STT3A: variants seen among roughly 807,000 people sequenced by gnomAD.
The protein encoded by STT3A is dolichyl-diphosphooligosaccharide--protein glycosyltransferase subunit STT3A.
In STT3A, 34 loss-of-function variants were observed where a neutral mutation model predicts 89.2. That is an observed-to-expected ratio of 0.38 (90% CI 0.29 to 0.51). The LOEUF (loss-of-function observed/expected upper bound fraction) is 0.51, where lower values mean the gene tolerates loss of function less well. Ranked by LOEUF, STT3A falls within the 20% of genes least tolerant of loss-of-function variation. The pLI is 0.89. For synonymous variants in STT3A, 282 were observed against 310.3 expected (o/e 0.91, Z 0.96); for missense variants, 555 against 889.5 (o/e 0.62, Z 4.78).
upstream of STT3A, chr11:125,592,762 T>C (rs1392818587): frequency 3.6e-6 from 1 of 281,400 alleles, no homozygotes; most frequent in South Asian, 2.9e-5. Flanking sequence ...TGACAGACAG[T>C]TCCGAGACCC....
chr11:125,595,445 A>G (rs1395027151), intron 1 of STT3A, among the ~76,000 whole-genome samples: 2 of 151,884 alleles, frequency 1.3e-5, no homozygotes, highest in Admixed American at 1.3e-4. Flanking sequence ...TCTGGTCTCA[A>G]TGTTTATTTC....
intron 12 of STT3A, 43 bp from the exon 13 acceptor site, chr11:125,612,946 T>C (rs1940070143): frequency 1.2e-6 from 2 of 1,604,142 alleles, no homozygotes; most frequent in African/African-American, 2.7e-5. Flanking sequence ...TTGTGTGAAT[T>C]TAGTTTGGTT....
rs2135940672 is a variant in STT3A, at chr11:125,614,161, C to T, written c.1629C>T (p.Asp543=). The part of the protein sequence containing the change: ...TAMANRTILV[D]NNTWNNTHIS... ...TGGCAAACCGAACAATTTTAGTGGA[C>T]AATAACACATGGAATAATACCCATA... Residue 543 remains aspartate, a synonymous_variant, in exon 14 of 18, where the codon GAC becomes GAT. Transcript: ENST00000392708. The surrounding 1 kb of genome is among the most constrained non-coding windows in gnomAD (Gnocchi z 4.9). The T allele has an allele frequency of 5.0e-6, 8 of 1,614,018 alleles. No homozygotes were observed. The highest frequency in any genetic ancestry group is 6.8e-6 in the Non-Finnish European group (8 of 1,180,006).
intron 1 of STT3A, chr11:125,594,740 C>CT (rs1356528165): frequency 6.6e-6 from 1 of 152,104 alleles, no homozygotes; most frequent in African/African-American, 2.4e-5. Flanking sequence ...TTTTAATCTA[C>CT]TTTTTTTAAT....
At position 125,614,805 on chromosome 11, in the gene STT3A, C is replaced by A. The variant is rs937055809; in HGVS notation, c.1774+379C>A. On this transcript the variant is annotated intron_variant, in intron 15 of 17. Transcript: ENST00000392708. This position sits in a 1 kb window ranked among gnomAD's most constrained non-coding sequence, Gnocchi z 4.9. The stretch of plus-strand genomic sequence containing the variant: ...AGAAATGTTTTATATGGCCTGACAG[C>A]GTGTAAAAAAAGAGAACATTTTATA... 6.7e-6 allele frequency among the ~76,000 whole-genome samples: 1 copy of A among 149,928 alleles called. No homozygotes were observed. The highest frequency in any genetic ancestry group is 2.5e-5 in the African/African-American group (1 of 40,772).
upstream of STT3A, chr11:125,592,677 C>T (rs1392249431): frequency 2.8e-6 from 1 of 355,920 alleles, no homozygotes; most frequent in East Asian, 7.5e-5. Context: ...TACAGACCTG[C>T]CTCTAGACTG....
intron 15 of STT3A, among the ~76,000 whole-genome samples, chr11:125,616,009 A>G (rs1340798711): frequency 6.6e-6 from 1 of 152,248 alleles, no homozygotes; most frequent in Admixed American, 6.5e-5. Flanking sequence ...ACTGCACCCC[A>G]GCCTGGGTGA....
At chr11:125,612,101 C>A (rs908580784) in intron 11 of STT3A, among the ~76,000 whole-genome samples, 1 of 151,864 alleles carries the variant, frequency 6.6e-6, no homozygotes, top group African/African-American at 2.4e-5. Flanking sequence ...ATCTTGAACT[C>A]CCGACCTCAG....
At position 125,622,437 on chromosome 11, in the gene STT3A, TC is replaced by T. The variant is rs1940375689; in HGVS notation, c.*1628del. On this transcript the variant is annotated 3_prime_UTR_variant, in exon 18 of 18. Transcript: ENST00000392708. The stretch of plus-strand genomic sequence containing the variant: ...AATACCAGTTAGAAATTATTAATGA[TC>T]TTCCTTTATACTATACATAGGATAA... The T allele has an allele frequency of 6.6e-6, 1 of 152,264 alleles. No individual in the cohort carries two copies. The highest frequency in any genetic ancestry group is 2.1e-4 in the South Asian group (1 of 4,838). The allele number at this position is 152,264 out of a possible 1,614,324, so 9.4% of individuals were successfully genotyped here.
chr11:125,594,085 CAAA>C (rs376752600), intron 1 of STT3A, among the ~76,000 whole-genome samples: 1 of 151,414 alleles, frequency 6.6e-6, no homozygotes, highest in Non-Finnish European at 1.5e-5. Context: ...ATTCCTAAGA[CAAA>C]AAAAATAAGG....
intron 3 of STT3A, among the ~76,000 whole-genome samples, chr11:125,600,751 G>A (rs12275383): frequency 0.11 from 16,107 of 152,060 alleles, 1,242 homozygotes; most frequent in African/African-American, 0.22. Flanking sequence ...AGCATTTTAT[G>A]TCAAATATTT....
upstream of STT3A, among the ~76,000 whole-genome samples, chr11:125,592,167 C>T (rs1939315717): frequency 6.6e-6 from 1 of 152,152 alleles, no homozygotes; most frequent in South Asian, 2.1e-4. Flanking sequence ...AGAAATGCTT[C>T]CAGCTTAGCC....
intron 6 of STT3A, among the ~76,000 whole-genome samples, chr11:125,605,153 A>G (rs1208402105): frequency 2.7e-5 from 4 of 150,808 alleles, no homozygotes; most frequent in Non-Finnish European, 4.4e-5. Flanking sequence ...AAAAAAGCAG[A>G]CTGGAGAATC....
Position 125,618,379 on chromosome 11 carries a change from A to G in STT3A, c.1781A>G (p.Asn594Ser). 1 of 1,590,962 alleles carries G rather than the reference A, an allele frequency of 6.3e-7. No homozygotes were observed. The highest frequency in any genetic ancestry group is 8.5e-7 in the Non-Finnish European group (1 of 1,172,284). The change falls in exon 16 of 18, where the codon AAC becomes AGC. Residue 594 changes from asparagine to serine, a missense_variant. By Grantham distance (46) the Asn-to-Ser change is conservative. Coordinates refer to ENST00000392708, the MANE Select transcript of STT3A (RefSeq NM_152713.5). ...GLTGYSSDDI[N>S]KFLWMVRIGG... ...TTTTTTTTTTTTCTCCTAGATATCA[A>G]CAAGTTTCTTTGGATGGTCCGGATT...
upstream of STT3A, chr11:125,592,351 T>C: frequency 4.4e-6 from 2 of 455,028 alleles, no homozygotes; most frequent in Admixed American, 4.7e-5. Context: ...GAGTTTTAAT[T>C]GAGAATAAAT....
chr11:125,597,505 C>G (rs1366623646), intron 3 of STT3A, among the ~76,000 whole-genome samples: 1 of 151,970 alleles, frequency 6.6e-6, no homozygotes. Flanking sequence ...GCTAGTATGT[C>G]TGCCTATCAC....
intron 5 of STT3A, 84 bp downstream of exon 5, chr11:125,603,032 C>T: frequency 6.6e-7 from 1 of 1,519,650 alleles, no homozygotes. Flanking sequence ...GGGACAGAGC[C>T]TTAGAAAGGC....
intron 4 of STT3A, 160 bp from the exon 5 acceptor site, chr11:125,602,642 CT>C: frequency 8.9e-7 from 1 of 1,119,870 alleles, no homozygotes; most frequent in Non-Finnish European, 1.3e-6. Flanking sequence ...TGATTGAATC[CT>C]TAGGGGAGAA....
chr11:125,600,107 A>T (rs1034270433), intron 3 of STT3A, among the ~76,000 whole-genome samples: 1 of 148,464 alleles, frequency 6.7e-6, no homozygotes, highest in East Asian at 2.0e-4. Flanking sequence ...CTGGAGTGCA[A>T]TGGCACAATC....
Sources: allele counts gnomAD v4.1 joint callset (sites outside exome capture counted in the v4.1 genomes callset), GRCh38; gene constraint gnomAD v4.1.1; non-coding constraint Gnocchi (gnomAD v3.1); transcripts MANE v1.5; gene names NCBI Gene and HGNC (gene_info 2026-07-23, HGNC 2026-07-21).